MYRIP: variants seen among roughly 807,000 people sequenced by gnomAD.
MYRIP encodes the protein rab effector MyRIP.
In MYRIP, 49 loss-of-function variants were observed where a neutral mutation model predicts 98.0. That is an observed-to-expected ratio of 0.50 (90% CI 0.40 to 0.63). The LOEUF (loss-of-function observed/expected upper bound fraction) is 0.63, where lower values mean the gene tolerates loss of function less well. MYRIP is among the 30% of genes least tolerant of loss of function. The pLI is 0.00. For missense variants in MYRIP, 1,004 were observed against 1,058.2 expected (o/e 0.95, Z 0.71); for synonymous variants, 404 against 409.5 (o/e 0.99, Z 0.16).
At chr3:39,835,036 C>T (rs2125588240) in intron 1 of MYRIP, among the ~76,000 whole-genome samples, 1 of 152,226 alleles carries the variant, frequency 6.6e-6, no homozygotes, top group East Asian at 1.9e-4. Flanking sequence ...TTATTCTCTA[C>T]TTCCATGTCA....
chr3:40,008,947 C>G (rs1193112385), intron 2 of MYRIP, among the ~76,000 whole-genome samples: 3 of 152,202 alleles, frequency 2.0e-5, no homozygotes, highest in Non-Finnish European at 2.9e-5. Context: ...TGTGTGCTTC[C>G]TATTTCCTTG....
chr3:40,151,521 C>T (rs1273082846), intron 4 of MYRIP, among the ~76,000 whole-genome samples: 1 of 152,136 alleles, frequency 6.6e-6, no homozygotes, highest in Non-Finnish European at 1.5e-5. Flanking sequence ...AAGTCATTTG[C>T]CCTTGGCTAC....
At chr3:40,037,805 C>T (rs1378674266) in intron 2 of MYRIP, among the ~76,000 whole-genome samples, 2 of 151,984 alleles carry the variant, frequency 1.3e-5, no homozygotes, top group Non-Finnish European at 1.5e-5. Context: ...CATTGCCTAC[C>T]CCCCTTCCTG....
intron 1 of MYRIP, among the ~76,000 whole-genome samples, chr3:39,888,594 T>A (rs1234741391): frequency 1.7e-4 from 26 of 152,130 alleles, no homozygotes; most frequent in African/African-American, 4.1e-4. Context: ...AAACCTAGGC[T>A]TTACCATTCA....
intron 3 of MYRIP, among the ~76,000 whole-genome samples, chr3:40,095,570 G>A (rs370919760): frequency 1.1e-4 from 16 of 152,124 alleles, no homozygotes; most frequent in South Asian, 6.2e-4. Context: ...AGCCCCTAAC[G>A]ATGCTCTCCA....
intron 10 of MYRIP, among the ~76,000 whole-genome samples, chr3:40,197,842 A>T (rs542122343): frequency 6.6e-6 from 1 of 152,278 alleles, no homozygotes; most frequent in Middle Eastern, 3.4e-3. Flanking sequence ...TCCTGTTAGC[A>T]GTTCTTAGAT....
intron 3 of MYRIP, among the ~76,000 whole-genome samples, chr3:40,077,935 C>T (rs1948386316): frequency 6.6e-6 from 1 of 152,250 alleles, no homozygotes; most frequent in African/African-American, 2.4e-5. Context: ...CCGCACTCCT[C>T]AGCCCTTCGG....
At chr3:39,999,311 T>C in intron 2 of MYRIP, among the ~76,000 whole-genome samples, 1 of 152,112 alleles carries the variant, frequency 6.6e-6, no homozygotes, top group East Asian at 1.9e-4. Flanking sequence ...GAATCTACAA[T>C]GAACTCAAAC....
chr3:39,972,651 T>C (rs1387652078), intron 2 of MYRIP, among the ~76,000 whole-genome samples: 1 of 152,094 alleles, frequency 6.6e-6, no homozygotes, highest in Non-Finnish European at 1.5e-5. Flanking sequence ...GGACATGTTC[T>C]GATTATGCTT....
At chr3:40,070,935 A>G (rs576651718) in intron 3 of MYRIP, among the ~76,000 whole-genome samples, 13 of 152,296 alleles carry the variant, frequency 8.5e-5, no homozygotes, top group African/African-American at 3.1e-4. Flanking sequence ...TATGTGGTGG[A>G]TTATTGTGAG....
At chr3:40,038,796 T>C (rs1012817453) in intron 2 of MYRIP, among the ~76,000 whole-genome samples, 5 of 152,162 alleles carry the variant, frequency 3.3e-5, no homozygotes, top group Admixed American at 1.3e-4. Context: ...CTTGCTTACC[T>C]GTGTCCTGAT....
intron 2 of MYRIP, among the ~76,000 whole-genome samples, chr3:39,916,956 C>A (rs570172314): frequency 3.8e-4 from 58 of 152,198 alleles, no homozygotes; most frequent in Middle Eastern, 3.4e-3. Flanking sequence ...TACCCCAAAT[C>A]AAATAACATC....
intron 1 of MYRIP, among the ~76,000 whole-genome samples, chr3:39,813,024 T>C (rs1001239686): frequency 2.6e-5 from 4 of 152,118 alleles, no homozygotes; most frequent in Non-Finnish European, 2.9e-5. Context: ...CTCAGCAAGA[T>C]GGAGTTAAGG....
chr3:40,229,880 T>C (rs1004842119), intron 11 of MYRIP, among the ~76,000 whole-genome samples: 17 of 152,152 alleles, frequency 1.1e-4, no homozygotes, highest in African/African-American at 3.9e-4. Context: ...CTGTGGTGGG[T>C]TAACAGCTCA....
chr3:40,108,199 GAGAGAGA>G (rs1949088517), intron 3 of MYRIP, among the ~76,000 whole-genome samples: 1 of 151,892 alleles, frequency 6.6e-6, no homozygotes, highest in African/African-American at 2.4e-5. Flanking sequence ...GAGAGAGAGA[GAGAGAGA>G]GAGAGAGGGT....
chr3:39,878,052 G>T (rs2125640435), intron 1 of MYRIP, among the ~76,000 whole-genome samples: 1 of 152,384 alleles, frequency 6.6e-6, no homozygotes, highest in East Asian at 1.9e-4. Context: ...GGCAATGGCA[G>T]GCGCCCCTCC....
At chr3:40,079,505 T>G (rs1180949643) in intron 3 of MYRIP, among the ~76,000 whole-genome samples, 1 of 152,200 alleles carries the variant, frequency 6.6e-6, no homozygotes, top group African/African-American at 2.4e-5. Flanking sequence ...GCCCAGACCT[T>G]AACCTTAAAG....
chr3:40,136,451 C>T (rs779303877), intron 3 of MYRIP, among the ~76,000 whole-genome samples: 78 of 152,152 alleles, frequency 5.1e-4, no homozygotes, highest in Admixed American at 9.8e-4. Context: ...TTTAACACCC[C>T]GCTGTCAACA....
At chr3:40,009,447 A>G (rs1288306320) in intron 2 of MYRIP, among the ~76,000 whole-genome samples, 3 of 152,106 alleles carry the variant, frequency 2.0e-5, no homozygotes, top group Non-Finnish European at 2.9e-5. Flanking sequence ...TGTGTTAGCC[A>G]GGATGGTCTT....
Sources: allele counts gnomAD v4.1 joint callset (sites outside exome capture counted in the v4.1 genomes callset), GRCh38; gene constraint gnomAD v4.1.1; transcripts MANE v1.5; gene names NCBI Gene and HGNC (gene_info 2026-07-23, HGNC 2026-07-21).